MACO1: variants seen among roughly 807,000 people sequenced by gnomAD.
MACO1 encodes macoilin 1.
Under a neutral mutation model 78.7 loss-of-function variants are expected in MACO1, and 14 were observed. The ratio of observed to expected loss-of-function variants is 0.18; its 90% CI spans 0.12 to 0.28. MACO1 has a LOEUF of 0.28. Among genes scored for constraint, MACO1 ranks in the 10% least tolerant of loss-of-function variants. The pLI, the probability that MACO1 is intolerant of heterozygous loss-of-function variation, is 1.00. For missense variants in MACO1, 501 were observed against 799.0 expected, an observed-to-expected ratio of 0.63 and a Z score of 4.50; for synonymous variants, 288 against 291.6, an observed-to-expected ratio of 0.99 and a Z score of 0.12.
At chr1:25,441,376 G>A (rs139277704) in intron 1 of MACO1, among the ~76,000 whole-genome samples, 7,626 of 152,128 alleles carry the variant, frequency 0.05, 608 homozygotes, top group African/African-American at 0.17. Context: ...GTAGAGACGG[G>A]GTTTCACCAT....
At chr1:25,484,074 G>C (rs2043404793) in intron 6 of MACO1, 42 bp from the exon 7 acceptor site, 7 of 1,570,736 alleles carry the variant, frequency 4.5e-6, no homozygotes, top group Middle Eastern at 1.7e-4. Context: ...CTCTGTGGGT[G>C]CCCTCACCTA....
chr1:25,490,799 A>C (rs1336710604), intron 9 of MACO1, among the ~76,000 whole-genome samples: 1 of 152,192 alleles, frequency 6.6e-6, no homozygotes, highest in Non-Finnish European at 1.5e-5. Context: ...TTAATATTTC[A>C]CTTCTGCTAA....
intron 10 of MACO1, 74 bp downstream of exon 10, chr1:25,491,658 G>A (rs2043487028): frequency 1.5e-6 from 2 of 1,357,178 alleles, no homozygotes; most frequent in Admixed American, 3.9e-5. Context: ...GACCTCTCCT[G>A]AGAGCTCTCA....
chr1:25,476,093 C>A (rs980810039), intron 6 of MACO1, among the ~76,000 whole-genome samples: 1 of 152,212 alleles, frequency 6.6e-6, no homozygotes, highest in African/African-American at 2.4e-5. Flanking sequence ...CTTGTCAAAT[C>A]TGACTAGATT....
intron 10 of MACO1, among the ~76,000 whole-genome samples, chr1:25,494,406 C>T (rs948839625): frequency 6.6e-6 from 1 of 152,162 alleles, no homozygotes; most frequent in East Asian, 1.9e-4. Context: ...AAGAAGGTGC[C>T]GGGATGTTCA....
At chr1:25,439,500 A>G (rs1443009087) in intron 1 of MACO1, among the ~76,000 whole-genome samples, 1 of 152,184 alleles carries the variant, frequency 6.6e-6, no homozygotes, top group Non-Finnish European at 1.5e-5. Flanking sequence ...AATTGACACT[A>G]GAAAGGTTCC....
intron 6 of MACO1, among the ~76,000 whole-genome samples, chr1:25,461,584 C>CA (rs552670768): frequency 6.7e-6 from 1 of 150,052 alleles, no homozygotes; most frequent in Admixed American, 6.6e-5. Context: ...TCCCCCCCCT[C>CA]AAAAAAAAGG....
intron 4 of MACO1, among the ~76,000 whole-genome samples, chr1:25,455,482 A>C (rs2043110973): frequency 6.6e-6 from 1 of 152,246 alleles, no homozygotes; most frequent in African/African-American, 2.4e-5. Context: ...GAACTTGGTC[A>C]GTAAAACATG....
chr1:25,439,257 A>G (rs992981719), intron 1 of MACO1, among the ~76,000 whole-genome samples: 2 of 152,054 alleles, frequency 1.3e-5, no homozygotes, highest in Admixed American at 6.6e-5. Context: ...ATAGCCAGGC[A>G]TGGTGGCTCT....
chr1:25,437,108 T>G (rs2042925257), intron 1 of MACO1, among the ~76,000 whole-genome samples: 1 of 151,374 alleles, frequency 6.6e-6, no homozygotes, highest in African/African-American at 2.4e-5. Context: ...TTTTGAATCA[T>G]ATTGTTACGT....
At position 25,430,999 on chromosome 1, in the gene MACO1, G is replaced by A. The variant is rs1308897359; in HGVS notation, c.-100G>A. 3.6e-6 allele frequency: 3 copies of A among 843,864 alleles called. No individual in the cohort carries two copies. Among genetic ancestry groups the A allele is most frequent in the Non-Finnish European group, 5.1e-6 (3 of 584,142 alleles). 52.3% of individuals were successfully genotyped at this position (843,864 alleles called of 1,614,324 possible). A position where few individuals can be genotyped will look rare whatever the true frequency, so the allele number is the denominator to read the frequency against. On this transcript the variant is annotated 5_prime_UTR_variant, in exon 1 of 11. Transcript: ENST00000374343. ...CTCCATGTCTGTGTGACCGGCCTCA[G>A]GGGTAGAGTCCAGGCCCGACGCGGG...
chr1:25,491,377 C>T, intron 9 of MACO1, 33 bp from the exon 10 acceptor site: 1 of 1,612,114 alleles, frequency 6.2e-7, no homozygotes, highest in Non-Finnish European at 8.5e-7. Context: ...CCAAAACTAC[C>T]TTGTAGCATT....
intron 10 of MACO1, among the ~76,000 whole-genome samples, chr1:25,497,591 A>G (rs568983772): frequency 6.6e-5 from 10 of 152,136 alleles, no homozygotes; most frequent in Non-Finnish European, 1.3e-4. Flanking sequence ...AGTGTGCTGG[A>G]AGGCTAAATA....
chr1:25,433,738 C>A (rs1321535689), intron 1 of MACO1, among the ~76,000 whole-genome samples: 1 of 152,198 alleles, frequency 6.6e-6, no homozygotes, highest in East Asian at 1.9e-4. Context: ...GCATCCACAG[C>A]TTTGAGCCCC....
intron 6 of MACO1, among the ~76,000 whole-genome samples, chr1:25,459,883 A>G (rs1441465856): frequency 6.6e-6 from 1 of 152,082 alleles, no homozygotes; most frequent in Admixed American, 6.6e-5. Flanking sequence ...TTCACCTCAG[A>G]TCTTTAATTT....
intron 5 of MACO1, 64 bp from the exon 6 acceptor site, chr1:25,458,327 T>C (rs887628138): frequency 8.6e-6 from 13 of 1,519,794 alleles, no homozygotes; most frequent in Non-Finnish European, 1.1e-5. Context: ...TTAATCTGTG[T>C]TGTTAAACAA....
At chr1:25,433,238 A>G (rs1337959207) in intron 1 of MACO1, among the ~76,000 whole-genome samples, 2 of 151,936 alleles carry the variant, frequency 1.3e-5, no homozygotes, top group Non-Finnish European at 2.9e-5. Context: ...CTTGGTTTAT[A>G]TTATGGAGTA....
rs186191955 is a variant in MACO1 at position 25,471,996 on chromosome 1, T to C, written c.1155-12120T>C. Among the ~76,000 whole-genome samples, 289 of 152,272 alleles carry C rather than the reference T, an allele frequency of 1.9e-3. 2 individuals carry two copies. The highest frequency in any genetic ancestry group is 1.6e-3 in the Non-Finnish European group (109 of 68,018). On this transcript the variant is annotated intron_variant, in intron 6 of 10. Coordinates refer to ENST00000374343, the MANE Select transcript of MACO1 (RefSeq NM_018202.6). ...CTGTTGTCAAAAAAGGCATTTGCTCTGGCAGTGGGGTTGGTTGTGCTTCAG... is the reference window on the plus strand; with the variant it reads ...CTGTTGTCAAAAAAGGCATTTGCTCCGGCAGTGGGGTTGGTTGTGCTTCAG...
At chr1:25,451,965 A>G (rs181404156) in intron 3 of MACO1, among the ~76,000 whole-genome samples, 1 of 152,140 alleles carries the variant, frequency 6.6e-6, no homozygotes, top group African/African-American at 2.4e-5. Flanking sequence ...AAAAAAGAAA[A>G]GGAAAAAAAG....
Sources: allele counts gnomAD v4.1 joint callset (sites outside exome capture counted in the v4.1 genomes callset), GRCh38; gene constraint gnomAD v4.1.1; transcripts MANE v1.5; gene names NCBI Gene and HGNC (gene_info 2026-07-23, HGNC 2026-07-21).